Variants in PLS1 observed in about 807,000 individuals in gnomAD.
PLS1 encodes plastin 1, also known as plastin-1.
Under a neutral mutation model 73.7 loss-of-function variants are expected in PLS1, and 32 were observed. The observed-to-expected ratio is 0.43, with a 90% CI of 0.33 to 0.58. The LOEUF (loss-of-function observed/expected upper bound fraction) is 0.58. Among genes scored for constraint, PLS1 ranks in the 20% least tolerant of loss-of-function variants. The probability of loss-of-function intolerance (pLI) is 0.04; values close to 1 mark genes in which losing one functional copy is unlikely to be tolerated. For synonymous variants in PLS1, 217 were observed against 261.3 expected, an observed-to-expected ratio of 0.83 and a Z score of 1.63; for missense variants, 633 against 740.5, an observed-to-expected ratio of 0.85 and a Z score of 1.68.
At chr3:142,626,518 T>G (rs2036432452) in intron 1 of PLS1, among the ~76,000 whole-genome samples, 1 of 152,224 alleles carries the variant, frequency 6.6e-6, no homozygotes. Context: ...TATTGTTAAC[T>G]GGAAAGACTT....
chr3:142,609,968 A>C (rs549101726), intron 1 of PLS1, among the ~76,000 whole-genome samples: 1 of 152,286 alleles, frequency 6.6e-6, no homozygotes, highest in African/African-American at 2.4e-5. Context: ...TCCCTGGTTC[A>C]AACGATTCTC....
chr3:142,691,003 A>G (rs116396058), intron 10 of PLS1, among the ~76,000 whole-genome samples: 3,107 of 152,218 alleles, frequency 0.02, 99 homozygotes, highest in African/African-American at 0.064. Flanking sequence ...TGGGGAGAGT[A>G]TGATGTGCGG....
At chr3:142,615,957 G>T (rs1408184509) in intron 1 of PLS1, among the ~76,000 whole-genome samples, 1 of 139,062 alleles carries the variant, frequency 7.2e-6, no homozygotes, top group Non-Finnish European at 1.6e-5. Flanking sequence ...GATTGTGGAG[G>T]ATGGACCCAG....
At chr3:142,625,758 G>A (rs938728194) in intron 1 of PLS1, among the ~76,000 whole-genome samples, 4 of 152,078 alleles carry the variant, frequency 2.6e-5, no homozygotes, top group Non-Finnish European at 4.4e-5. Flanking sequence ...TGGATTGCTT[G>A]AGCCCAGGAG....
chr3:142,698,079 A>G lies in PLS1; in HGVS notation c.1371+12A>G. On this transcript the variant is annotated intron_variant, in intron 12 of 15. Coordinates refer to ENST00000457734, the MANE Select transcript of PLS1 (RefSeq NM_001145319.2). ...GGAACATGAAGAAGGTGAATGAAAT[A>G]ATGGCCATGGATATATTGTTATTGT... The G allele has an allele frequency of 6.7e-6, 9 of 1,334,706 alleles. No individual in the cohort carries two copies. Among genetic ancestry groups the G allele is most frequent in the Non-Finnish European group, 8.6e-6 (8 of 925,114 alleles). 82.7% of individuals were successfully genotyped at this position (1,334,706 alleles called of 1,614,324 possible).
chr3:142,643,096 G>C (rs2036876230), intron 1 of PLS1, among the ~76,000 whole-genome samples: 1 of 152,190 alleles, frequency 6.6e-6, no homozygotes, highest in South Asian at 2.1e-4. Flanking sequence ...TGATGGGTGA[G>C]AGAGGTTGCA....
intron 4 of PLS1, 99 bp from the exon 5 acceptor site, chr3:142,676,057 AT>A (rs2037718276): frequency 1.1e-6 from 1 of 879,724 alleles, no homozygotes; most frequent in South Asian, 1.8e-5. Context: ...TTGAGCAGAA[AT>A]TAACAAGTAT....
intron 12 of PLS1, among the ~76,000 whole-genome samples, chr3:142,699,984 T>G (rs2038293181): frequency 6.6e-6 from 1 of 152,216 alleles, no homozygotes; most frequent in Non-Finnish European, 1.5e-5. Flanking sequence ...TGTAAGTTTT[T>G]TCTCCAAAAT....
chr3:142,599,479 G>A (rs917661426), intron 1 of PLS1, among the ~76,000 whole-genome samples: 8 of 151,622 alleles, frequency 5.3e-5, no homozygotes, highest in South Asian at 2.1e-4. Context: ...ACAGGCGCCC[G>A]CCACCGCGCC....
At chr3:142,597,715 C>T (rs1232511721) in intron 1 of PLS1, among the ~76,000 whole-genome samples, 1 of 152,138 alleles carries the variant, frequency 6.6e-6, no homozygotes, top group Middle Eastern at 3.2e-3. Flanking sequence ...CCACCCAAGC[C>T]CCTCATTGGC....
chr3:142,709,817 A>AG (rs533255402), intron 14 of PLS1, among the ~76,000 whole-genome samples: 2 of 17,456 alleles, frequency 1.1e-4, no homozygotes, highest in Non-Finnish European at 2.6e-4. Flanking sequence ...ACTCTGCGTC[A>AG]AAAAAAAAAA....
Position 142,622,394 on chromosome 3 carries a change from T to C in PLS1, c.-37+25885T>C, listed in dbSNP as rs2036334294. Among the ~76,000 whole-genome samples, 3 of 152,320 alleles carry C rather than the reference T, an allele frequency of 2.0e-5. No individual in the cohort carries two copies. In the South Asian group the frequency reaches 6.2e-4, roughly 32 times the overall value. ...TTTTTTCCTCCAAAGCCTCCTCATG[T>C]ATTTTGCTTTCCATCCCTCCTTTCA... On this transcript the variant is annotated intron_variant, in intron 1 of 15. Coordinates refer to ENST00000457734, the MANE Select transcript of PLS1 (RefSeq NM_001145319.2).
chr3:142,666,458 G>T (rs769911585), intron 2 of PLS1, among the ~76,000 whole-genome samples: 1 of 152,138 alleles, frequency 6.6e-6, no homozygotes, highest in Non-Finnish European at 1.5e-5. Context: ...CTTCATCCAT[G>T]TTGTAGCCTG....
At chr3:142,627,383 G>A (rs1305810327) in intron 1 of PLS1, among the ~76,000 whole-genome samples, 1 of 152,128 alleles carries the variant, frequency 6.6e-6, no homozygotes, top group African/African-American at 2.4e-5. Context: ...ACATATTAAG[G>A]TTTGCTTTTT....
chr3:142,606,692 TATA>T (rs967867041), intron 1 of PLS1, among the ~76,000 whole-genome samples: 59 of 152,346 alleles, frequency 3.9e-4, no homozygotes, highest in African/African-American at 1.3e-3. Flanking sequence ...AATGGAATCG[TATA>T]ATATGTGGCC....
At chr3:142,677,278 A>G (rs1238174692) in intron 5 of PLS1, among the ~76,000 whole-genome samples, 1 of 152,178 alleles carries the variant, frequency 6.6e-6, no homozygotes, top group Non-Finnish European at 1.5e-5. Context: ...GGCTTCTTGG[A>G]GAATTTCTTT....
intron 2 of PLS1, among the ~76,000 whole-genome samples, chr3:142,665,933 T>C (rs2037470955): frequency 6.6e-6 from 1 of 152,068 alleles, no homozygotes; most frequent in African/African-American, 2.4e-5. Flanking sequence ...GAGAGCAAGA[T>C]AATTTGTTCT....
intron 1 of PLS1, among the ~76,000 whole-genome samples, chr3:142,627,354 A>G (rs914893640): frequency 6.6e-5 from 10 of 152,158 alleles, no homozygotes; most frequent in Non-Finnish European, 1.0e-4. Context: ...GTAAGGAATA[A>G]TGTTCAGAAA....
chr3:142,683,920 C>A (rs2037907055), intron 6 of PLS1, 86 bp from the exon 7 acceptor site: 1 of 858,952 alleles, frequency 1.2e-6, no homozygotes, highest in Non-Finnish European at 1.8e-6. Flanking sequence ...TGAAATTTGG[C>A]AGTCCATTGT....
Sources: allele counts gnomAD v4.1 joint callset (sites outside exome capture counted in the v4.1 genomes callset), GRCh38; gene constraint gnomAD v4.1.1; transcripts MANE v1.5; gene names NCBI Gene and HGNC (gene_info 2026-07-23, HGNC 2026-07-21).